Variants in ZNF148 observed in about 807,000 individuals in gnomAD.
ZNF148 encodes zinc finger protein 148.
A neutral mutation model predicts 67.7 loss-of-function variants in ZNF148; 7 were observed. The ratio of observed to expected loss-of-function variants is 0.10; its 90% CI spans 0.06 to 0.19. ZNF148 has a LOEUF of 0.19. Among genes scored for constraint, ZNF148 ranks in the 10% least tolerant of loss-of-function variants. The probability of loss-of-function intolerance (pLI) is 1.00; values close to 1 mark genes in which losing one functional copy is unlikely to be tolerated. For missense variants in ZNF148, 583 were observed against 947.1 expected (o/e 0.62, Z 5.05); for synonymous variants, 333 against 330.7 (o/e 1.01, Z -0.08).
intron 1 of ZNF148, among the ~76,000 whole-genome samples, chr3:125,354,132 GT>G (rs1249157972): frequency 6.6e-6 from 1 of 151,786 alleles, no homozygotes; most frequent in South Asian, 2.1e-4. Context: ...TGCATTTTAA[GT>G]TTTTTCTATT....
intron 1 of ZNF148, among the ~76,000 whole-genome samples, chr3:125,336,632 A>C (rs1941503707): frequency 1.3e-5 from 2 of 151,274 alleles, no homozygotes; most frequent in Non-Finnish European, 2.9e-5. Context: ...ATCTATCCCA[A>C]GGATAACCAA....
intron 7 of ZNF148, among the ~76,000 whole-genome samples, chr3:125,235,979 T>G (rs1198283221): frequency 6.8e-6 from 1 of 147,666 alleles, no homozygotes; most frequent in Non-Finnish European, 1.5e-5. Context: ...AGGGATAGCA[T>G]TAGGAGATAT....
chr3:125,337,549 T>C (rs2107726141), intron 1 of ZNF148, among the ~76,000 whole-genome samples: 1 of 152,326 alleles, frequency 6.6e-6, no homozygotes, highest in East Asian at 1.9e-4. Flanking sequence ...ATAATCATGA[T>C]ACACTTTGTA....
At chr3:125,358,123 C>A (rs529787939) in intron 1 of ZNF148, among the ~76,000 whole-genome samples, 36 of 152,224 alleles carry the variant, frequency 2.4e-4, no homozygotes, top group Non-Finnish European at 4.4e-4. Context: ...ACCAGCCTAT[C>A]CAAAATGGTG....
In ZNF148 at chr3:125,228,499, G is replaced by C. The variant is rs932673579; in HGVS notation, c.*3842C>G. The C allele has an allele frequency of 6.6e-6, 1 of 152,594 alleles. No individual in the cohort carries two copies. The highest frequency in any genetic ancestry group is 2.4e-5 in the African/African-American group (1 of 41,450). The allele number at this position is 152,594 out of a possible 1,614,324, so 9.5% of individuals were successfully genotyped here. A position where few individuals can be genotyped will look rare whatever the true frequency, so the allele number is the denominator to read the frequency against. On this transcript the variant is annotated 3_prime_UTR_variant, in exon 9 of 9. Coordinates refer to ENST00000360647, the MANE Select transcript of ZNF148 (RefSeq NM_021964.3). The stretch of plus-strand genomic sequence containing the variant: ...TCTGAAATGTTTTTAGAACTTTCCT[G>C]ATGCTACTTGTAAAGTTAGCACTGC...
intron 3 of ZNF148, among the ~76,000 whole-genome samples, chr3:125,322,726 T>C (rs928453498): frequency 6.6e-6 from 1 of 152,188 alleles, no homozygotes; most frequent in African/African-American, 2.4e-5. Context: ...CAAGTAAATA[T>C]AAATATATTT....
chr3:125,291,968 A>T (rs547112081), intron 4 of ZNF148, among the ~76,000 whole-genome samples: 2 of 152,322 alleles, frequency 1.3e-5, no homozygotes, highest in Admixed American at 1.3e-4. Context: ...AACACAATTA[A>T]CTGTACTGTA....
chr3:125,246,101 A>G, intron 7 of ZNF148, among the ~76,000 whole-genome samples: 1 of 152,300 alleles, frequency 6.6e-6, no homozygotes, highest in South Asian at 2.1e-4. Flanking sequence ...ATTCTTTGTT[A>G]TGACAGCAAA....
At chr3:125,237,108 G>A (rs1479806053) in intron 7 of ZNF148, among the ~76,000 whole-genome samples, 6 of 152,166 alleles carry the variant, frequency 3.9e-5, no homozygotes, top group African/African-American at 1.4e-4. Flanking sequence ...TTAGGACAGG[G>A]AGACTGAATT....
chr3:125,354,764 T>C (rs1042017300), intron 1 of ZNF148, among the ~76,000 whole-genome samples: 1 of 152,252 alleles, frequency 6.6e-6, no homozygotes, highest in South Asian at 2.1e-4. Context: ...TATGTGGTCT[T>C]TTTAAATTTT....
chr3:125,240,129 T>C (rs1053399247), intron 7 of ZNF148, among the ~76,000 whole-genome samples: 9 of 152,222 alleles, frequency 5.9e-5, no homozygotes, highest in African/African-American at 1.9e-4. Context: ...TGCATGGTAA[T>C]ACAATTGATA....
rs1021036988 is a variant in ZNF148 at position 125,331,138 on chromosome 3, C to T, written c.-153+20G>A. 1.0e-5 allele frequency: 4 copies of T among 398,516 alleles called. No homozygotes were observed. Among genetic ancestry groups the T allele is most frequent in the Non-Finnish European group, 1.8e-5 (4 of 226,040 alleles). The allele number at this position is 398,516 out of a possible 1,614,324, so 24.7% of individuals were successfully genotyped here. On this transcript the variant is annotated intron_variant, in intron 2 of 8. Coordinates refer to ENST00000360647, the MANE Select transcript of ZNF148 (RefSeq NM_021964.3). ...ATTACAGGTAAAAATTAAAGATTGA[C>T]TCAAAGAATGCTGAATTACCTCCAT...
intron 4 of ZNF148, among the ~76,000 whole-genome samples, chr3:125,307,064 AAAAG>A (rs1939917810): frequency 6.6e-6 from 1 of 151,872 alleles, no homozygotes; most frequent in African/African-American, 2.4e-5. Flanking sequence ...CAAAAAAAAA[AAAAG>A]AAAACCATGG....
At chr3:125,251,272 A>G (rs989239911) in intron 7 of ZNF148, among the ~76,000 whole-genome samples, 6 of 152,176 alleles carry the variant, frequency 3.9e-5, no homozygotes, top group African/African-American at 1.4e-4. Context: ...TAATACCACA[A>G]ATTAGTTTTC....
chr3:125,358,244 C>CAG (rs1215772442), intron 1 of ZNF148, among the ~76,000 whole-genome samples: 1 of 151,990 alleles, frequency 6.6e-6, no homozygotes, highest in African/African-American at 2.4e-5. Flanking sequence ...ACCCAAAAGG[C>CAG]AGAGGTTGCA....
chr3:125,313,595 C>T lies in ZNF148; in HGVS notation c.46G>A (p.Gly16Ser), dbSNP rs1317866546. The change falls in exon 4 of 9, where the codon GGC becomes AGC. Residue 16 changes from glycine to serine, a missense_variant. This residue lies in a region of ZNF148 where 150 missense variants were observed against 202.5 expected (regional missense o/e 0.74). Transcript: ENST00000360647. ...KLEGLFLKCGGIDEMQSSRTM... is the reference protein window; with the variant it reads ...KLEGLFLKCGSIDEMQSSRTM... ...CTGGAAGACTGCATTTCGTCTATGC[C>T]GCCACATTTAAGAAACAATCCTTCC... 3.7e-6 allele frequency: 6 copies of T among 1,613,874 alleles called. No homozygotes were observed. Among genetic ancestry groups the T allele is most frequent in the South Asian group, 2.2e-5 (2 of 91,068 alleles).
At chr3:125,318,444 G>A (rs1284542485) in intron 3 of ZNF148, among the ~76,000 whole-genome samples, 1 of 152,130 alleles carries the variant, frequency 6.6e-6, no homozygotes, top group African/African-American at 2.4e-5. Flanking sequence ...CAGAAGAGAG[G>A]AGGAAAGAAA....
At chr3:125,329,344 ATT>A (rs1941176008) in intron 2 of ZNF148, among the ~76,000 whole-genome samples, 1 of 12,638 alleles carries the variant, frequency 7.9e-5, no homozygotes, top group Non-Finnish European at 1.8e-4. Flanking sequence ...TATATATAAA[ATT>A]TTACATATAT....
chr3:125,236,346 G>A (rs896672508), intron 7 of ZNF148, among the ~76,000 whole-genome samples: 7 of 152,144 alleles, frequency 4.6e-5, no homozygotes, highest in Non-Finnish European at 7.3e-5. Context: ...TTACAGGCAT[G>A]AGCCACTGCG....
Sources: allele counts gnomAD v4.1 joint callset (sites outside exome capture counted in the v4.1 genomes callset), GRCh38; gene constraint gnomAD v4.1.1; regional missense constraint gnomAD v4.1.1; transcripts MANE v1.5; gene names NCBI Gene and HGNC (gene_info 2026-07-23, HGNC 2026-07-21).